PLXNA2: variants seen among roughly 807,000 people sequenced by gnomAD.
PLXNA2 encodes plexin-A2.
A neutral mutation model predicts 193.5 loss-of-function variants in PLXNA2; 91 were observed. The observed-to-expected ratio is 0.47, with a 90% CI of 0.40 to 0.56. The LOEUF (loss-of-function observed/expected upper bound fraction) is 0.56, where lower values mean the gene tolerates loss of function less well. PLXNA2 is among the 20% of genes least tolerant of loss of function. The pLI is 0.00. For synonymous variants in PLXNA2, 997 were observed against 1,027.3 expected, an observed-to-expected ratio of 0.97 and a Z score of 0.56; for missense variants, 1,995 against 2,503.2, an observed-to-expected ratio of 0.80 and a Z score of 4.33.
At chr1:208,075,309 C>CA (rs10578909) in intron 12 of PLXNA2, among the ~76,000 whole-genome samples, 7 of 147,536 alleles carry the variant, frequency 4.7e-5, no homozygotes, top group African/African-American at 1.5e-4. Context: ...GACTCTGTCT[C>CA]AAAAAAAAAA....
intron 3 of PLXNA2, among the ~76,000 whole-genome samples, chr1:208,180,972 C>T (rs1380170758): frequency 6.6e-5 from 10 of 152,206 alleles, no homozygotes; most frequent in African/African-American, 1.7e-4. Context: ...GACTTCTCTG[C>T]GACCCCAAAC....
At chr1:208,031,397 C>A in intron 29 of PLXNA2, 193 bp downstream of exon 29, 1 of 1,378,260 alleles carries the variant, frequency 7.3e-7, no homozygotes. Flanking sequence ...AGGCAGGCCC[C>A]ACTTGGCACA....
chr1:208,103,457 A>G (rs941375417), intron 4 of PLXNA2, among the ~76,000 whole-genome samples: 1 of 152,170 alleles, frequency 6.6e-6, no homozygotes, highest in African/African-American at 2.4e-5. Context: ...TGGCAGCCCT[A>G]AGACTTCTTG....
chr1:208,195,589 A>C (rs1229015197), intron 3 of PLXNA2, among the ~76,000 whole-genome samples: 1 of 143,036 alleles, frequency 7.0e-6, no homozygotes, highest in Non-Finnish European at 1.5e-5. Flanking sequence ...GGGGAGATTC[A>C]GGCATCTGCC....
At chr1:208,202,199 C>G (rs1280471625) in intron 3 of PLXNA2, among the ~76,000 whole-genome samples, 2 of 151,902 alleles carry the variant, frequency 1.3e-5, no homozygotes, top group Non-Finnish European at 2.9e-5. Context: ...AGGCTGGTCT[C>G]GAACTCCTGA....
intron 2 of PLXNA2, among the ~76,000 whole-genome samples, chr1:208,211,455 A>G (rs1019471017): frequency 6.6e-6 from 1 of 152,204 alleles, no homozygotes; most frequent in Non-Finnish European, 1.5e-5. Context: ...GCACTTTGGG[A>G]GGCCAAGGCG....
chr1:208,131,051 G>A (rs1190365814), intron 4 of PLXNA2, among the ~76,000 whole-genome samples: 1 of 152,186 alleles, frequency 6.6e-6, no homozygotes, highest in Non-Finnish European at 1.5e-5. Flanking sequence ...GTTCAAGCCT[G>A]AACCATTTGT....
chr1:208,086,543 C>T (rs917749236), intron 9 of PLXNA2, among the ~76,000 whole-genome samples: 5 of 151,988 alleles, frequency 3.3e-5, no homozygotes, highest in African/African-American at 1.2e-4. Context: ...CAGAAACCCA[C>T]CTAAGAGGGT....
At chr1:208,040,511 C>T (rs945658479) in intron 22 of PLXNA2, among the ~76,000 whole-genome samples, 1 of 152,204 alleles carries the variant, frequency 6.6e-6, no homozygotes. Flanking sequence ...GTCCCTTCCC[C>T]TCCAAAAACA....
chr1:208,171,550 C>T (rs1669494844), intron 3 of PLXNA2, among the ~76,000 whole-genome samples: 2 of 152,132 alleles, frequency 1.3e-5, no homozygotes, highest in Non-Finnish European at 2.9e-5. Flanking sequence ...TGGTAATAGG[C>T]CTAGCAAGAT....
chr1:208,180,451 T>A (rs1669805784), intron 3 of PLXNA2, among the ~76,000 whole-genome samples: 1 of 152,140 alleles, frequency 6.6e-6, no homozygotes, highest in African/African-American at 2.4e-5. Context: ...TGGCAGTGGC[T>A]ATGGCTGCCT....
chr1:208,203,256 A>C (rs1007441336), intron 3 of PLXNA2, among the ~76,000 whole-genome samples: 1 of 152,168 alleles, frequency 6.6e-6, no homozygotes, highest in African/African-American at 2.4e-5. Context: ...CAGGGAGCCA[A>C]ACTCATTACT....
Position 208,028,658 on chromosome 1 carries a change from A to G in PLXNA2, c.5438+172T>C, listed in dbSNP as rs1664410294. Among the ~76,000 whole-genome samples the G allele has an allele frequency of 6.6e-6, 1 of 152,212 alleles. No homozygotes were observed. The highest frequency in any genetic ancestry group is 1.5e-5 in the Non-Finnish European group (1 of 68,038). ...TTAGGATGATAATCATCTGACTTCC[A>G]CGGGCACAAAGCCACCCTTCCTCCC... On this transcript the variant is annotated intron_variant, in intron 30 of 31. Transcript: ENST00000367033. This position sits in a 1 kb window ranked among gnomAD's most constrained non-coding sequence, Gnocchi z 4.2.
chr1:208,031,694 G>A lies in PLXNA2; in HGVS notation c.5121C>T (p.Ser1707=), dbSNP rs781075633. 41 of 1,613,390 alleles carry A rather than the reference G, an allele frequency of 2.5e-5. No homozygotes were observed. Among genetic ancestry groups the A allele is most frequent in the Middle Eastern group, 1.6e-4 (1 of 6,084 alleles). Reference sequence around the variant, plus strand: ...TGTACTTGATGGCCAGGGGGAGAGCGCTGCCCCGGTGCACAGTGCTGAACA... The same window carrying A: ...TGTACTTGATGGCCAGGGGGAGAGCACTGCCCCGGTGCACAGTGCTGAACA... ...ETLFSTVHRG[S]ALPLAIKYMF... is the part of the protein sequence containing the mutation. The change falls in exon 29 of 32, where the codon AGC becomes AGT. Residue 1707 remains serine (S), a synonymous_variant. Coordinates refer to ENST00000367033, the MANE Select transcript of PLXNA2 (RefSeq NM_025179.4).
At chr1:208,048,446 C>G (rs1425913139) in intron 17 of PLXNA2, among the ~76,000 whole-genome samples, 1 of 152,230 alleles carries the variant, frequency 6.6e-6, no homozygotes, top group Non-Finnish European at 1.5e-5. Flanking sequence ...ATTCCTGCAT[C>G]CTTCCCTCTG....
intron 3 of PLXNA2, among the ~76,000 whole-genome samples, chr1:208,184,233 G>T (rs1042584914): frequency 6.6e-6 from 1 of 152,094 alleles, no homozygotes; most frequent in Non-Finnish European, 1.5e-5. Flanking sequence ...GGGAAGGGAC[G>T]GGTAAGAATG....
intron 1 of PLXNA2, among the ~76,000 whole-genome samples, chr1:208,237,865 G>A (rs1671917349): frequency 6.6e-6 from 1 of 152,154 alleles, no homozygotes; most frequent in Non-Finnish European, 1.5e-5. Context: ...TGCCCTGAAG[G>A]TAAGATCTAT....
intron 5 of PLXNA2, among the ~76,000 whole-genome samples, chr1:208,102,769 CCACCATCTG>C (rs1207397862): frequency 6.6e-6 from 1 of 152,246 alleles, no homozygotes; most frequent in African/African-American, 2.4e-5. Context: ...TGCCAGTGCA[CCACCATCTG>C]CACACTCTTG....
At chr1:208,167,197 C>T (rs1280624592) in intron 3 of PLXNA2, among the ~76,000 whole-genome samples, 2 of 152,148 alleles carry the variant, frequency 1.3e-5, no homozygotes, top group Non-Finnish European at 2.9e-5. Flanking sequence ...ACTCCCCTGA[C>T]TATGGCGATT....
Sources: gnomAD v4.1 joint callset for allele counts (sites outside exome capture counted in the v4.1 genomes callset) on GRCh38, gnomAD v4.1.1 for gene constraint, Gnocchi (gnomAD v3.1) non-coding constraint, MANE v1.5 for transcripts, NCBI Gene and HGNC (gene_info 2026-07-23, HGNC 2026-07-21) for gene names.